NAA11: variants seen among roughly 807,000 people sequenced by gnomAD.
NAA11 encodes the protein N-alpha-acetyltransferase 11.
Under a neutral mutation model 16.1 loss-of-function variants are expected in NAA11, and 15 were observed. The ratio of observed to expected loss-of-function variants is 0.93; its 90% CI spans 0.62 to 1.44. NAA11 has a LOEUF of 1.44. NAA11 is among the 40% of genes most tolerant of loss of function. NAA11 has a pLI of 0.00. For synonymous variants in NAA11, 122 were observed against 112.4 expected (o/e 1.09, Z -0.54); for missense variants, 298 against 291.3 (o/e 1.02, Z -0.17).
At chr4:79,322,955 G>A (rs1321069387) in intron 1 of NAA11, among the ~76,000 whole-genome samples, 1 of 151,966 alleles carries the variant, frequency 6.6e-6, no homozygotes, top group African/African-American at 2.4e-5. Flanking sequence ...GGATTAGTGT[G>A]TTATAGCTTC....
the NAA11 span, among the ~76,000 whole-genome samples, chr4:79,194,486 G>C: frequency 6.6e-6 from 1 of 152,066 alleles, no homozygotes; most frequent in Non-Finnish European, 1.5e-5. Flanking sequence ...AAGTGTAACA[G>C]TGTGACTCTG....
the NAA11 span, among the ~76,000 whole-genome samples, chr4:79,192,347 T>C: frequency 6.6e-6 from 1 of 150,744 alleles, no homozygotes; most frequent in Non-Finnish European, 1.5e-5. Flanking sequence ...CATTTAACAT[T>C]AGGTATATCT....
chr4:79,271,368 G>T (rs574817012), intron 2 of NAA11, among the ~76,000 whole-genome samples: 6 of 149,408 alleles, frequency 4.0e-5, no homozygotes, highest in South Asian at 2.2e-4. Context: ...CACTGCTCAA[G>T]GAAATAAAAG....
intron 1 of NAA11, among the ~76,000 whole-genome samples, chr4:79,303,077 T>TATATATATATATATAC (rs1723449053): frequency 3.2e-4 from 1 of 3,096 alleles, no homozygotes; most frequent in Non-Finnish European, 7.7e-4. Flanking sequence ...TGAGGCCTTT[T>TATATATATATATATAC]ATATATATAT....
At chr4:79,318,342 T>C (rs1477399301) in intron 1 of NAA11, among the ~76,000 whole-genome samples, 1 of 152,176 alleles carries the variant, frequency 6.6e-6, no homozygotes, top group Non-Finnish European at 1.5e-5. Flanking sequence ...AGTGCCCTAA[T>C]TACATCAGGT....
At chr4:79,227,624 C>T (rs1029807769) in intron 2 of NAA11, 2 of 151,976 alleles carry the variant, frequency 1.3e-5, no homozygotes, top group African/African-American at 2.4e-5. Context: ...CCAAATGCCC[C>T]GTCCAACTCT....
intron 1 of NAA11, among the ~76,000 whole-genome samples, chr4:79,304,231 T>G (rs1412995517): frequency 6.6e-6 from 1 of 152,182 alleles, no homozygotes; most frequent in East Asian, 1.9e-4. Context: ...AAAATTATGG[T>G]CTACAGAGCA....
chr4:79,284,289 G>T (rs952853966), intron 2 of NAA11, among the ~76,000 whole-genome samples: 1 of 152,080 alleles, frequency 6.6e-6, no homozygotes, highest in Non-Finnish European at 1.5e-5. Context: ...CAAAGTCAAT[G>T]CTTAACCATG....
intron 1 of NAA11, among the ~76,000 whole-genome samples, chr4:79,318,747 C>A (rs1439820633): frequency 1.3e-5 from 2 of 152,076 alleles, no homozygotes; most frequent in African/African-American, 4.8e-5. Flanking sequence ...TTTGCATGAA[C>A]AGGCATGCAA....
chr4:79,313,508 G>A (rs1309906733), downstream of NAA11, among the ~76,000 whole-genome samples: 4 of 152,176 alleles, frequency 2.6e-5, no homozygotes, highest in Non-Finnish European at 5.9e-5. Context: ...TGCAGTTGAG[G>A]TGATGACACC....
chr4:79,173,719 T>C, the NAA11 span, among the ~76,000 whole-genome samples: 24 of 152,098 alleles, frequency 1.6e-4, no homozygotes, highest in African/African-American at 5.8e-4. Flanking sequence ...GGAGGAAGCA[T>C]GGCCAAGGCA....
chr4:79,310,357 G>A (rs1218041261), intron 1 of NAA11, among the ~76,000 whole-genome samples: 1 of 152,198 alleles, frequency 6.6e-6, no homozygotes, highest in Non-Finnish European at 1.5e-5. Context: ...GTTTATTTCT[G>A]TGAATTTCCT....
intron 2 of NAA11, among the ~76,000 whole-genome samples, chr4:79,247,008 G>C (rs999846403): frequency 6.6e-6 from 1 of 152,204 alleles, no homozygotes; most frequent in Non-Finnish European, 1.5e-5. Context: ...GGAAGCTGGA[G>C]TTGTAAGTCA....
chr4:79,207,906 T>C, the NAA11 span, among the ~76,000 whole-genome samples: 16 of 152,190 alleles, frequency 1.1e-4, no homozygotes, highest in Non-Finnish European at 1.5e-5. Flanking sequence ...CTCTATATTA[T>C]GTATTTTATA....
At chr4:79,285,438 T>C (rs1169512351) in intron 2 of NAA11, among the ~76,000 whole-genome samples, 1 of 152,132 alleles carries the variant, frequency 6.6e-6, no homozygotes, top group Non-Finnish European at 1.5e-5. Context: ...AGAGCAACTC[T>C]AAGCTGCAAT....
chr4:79,168,644 T>C, the NAA11 span, among the ~76,000 whole-genome samples: 23 of 152,374 alleles, frequency 1.5e-4, no homozygotes, highest in Middle Eastern at 6.8e-3. Flanking sequence ...CTTTTTCACA[T>C]GTTTATTTAC....
intron 2 of NAA11, among the ~76,000 whole-genome samples, chr4:79,269,939 G>A (rs1304851746): frequency 1.3e-5 from 2 of 152,056 alleles, no homozygotes; most frequent in African/African-American, 4.8e-5. Context: ...AGTTTTCCCA[G>A]CACCATAGTA....
At chr4:79,278,590 C>T (rs1429699159) in intron 2 of NAA11, among the ~76,000 whole-genome samples, 1 of 152,112 alleles carries the variant, frequency 6.6e-6, no homozygotes, top group Non-Finnish European at 1.5e-5. Context: ...TGCCAGGAAG[C>T]CCTTCTAGAC....
chr4:79,277,398 T>G (rs1006937898), intron 2 of NAA11, among the ~76,000 whole-genome samples: 3 of 152,058 alleles, frequency 2.0e-5, no homozygotes, highest in African/African-American at 4.8e-5. Flanking sequence ...CAGAGAAGCT[T>G]CTTCTTTTAG....
Sources: allele counts gnomAD v4.1 joint callset (sites outside exome capture counted in the v4.1 genomes callset), GRCh38; gene constraint gnomAD v4.1.1; transcripts MANE v1.5; gene names NCBI Gene and HGNC (gene_info 2026-07-23, HGNC 2026-07-21).